The following HIF1AN variants were observed in gnomAD, a reference collection of about 807,000 sequenced individuals.
HIF1AN encodes hypoxia-inducible factor 1-alpha inhibitor.
HIF1AN carries 21 observed loss-of-function variants against 47.7 expected under a neutral mutation model. The ratio of observed to expected loss-of-function variants is 0.44; its 90% CI spans 0.31 to 0.63. The LOEUF is 0.63. Among genes scored for constraint, HIF1AN ranks in the 30% least tolerant of loss-of-function variants. HIF1AN has a pLI of 0.07. For synonymous variants in HIF1AN, 152 were observed against 155.9 expected (o/e 0.98, Z 0.18); for missense variants, 320 against 432.7 (o/e 0.74, Z 2.31).
chr10:100,547,803 C>T (rs542952133), intron 7 of HIF1AN, among the ~76,000 whole-genome samples: 46 of 152,198 alleles, frequency 3.0e-4, no homozygotes, highest in Middle Eastern at 3.4e-3. Context: ...CTTGGGTGTT[C>T]GGGGATTATT....
At chr10:100,547,305 AT>A in intron 7 of HIF1AN, 55 bp downstream of exon 7, 7 of 1,040,314 alleles carry the variant, frequency 6.7e-6, no homozygotes, top group Non-Finnish European at 6.0e-6. Flanking sequence ...GAAAGTCAGG[AT>A]CAGAGCGACA....
rs1054398003 is a variant in HIF1AN at position 100,551,911 on chromosome 10, G to T, written c.*3774G>T. 1.3e-5 allele frequency: 2 copies of T among 152,258 alleles called. No individual in the cohort carries two copies. Among genetic ancestry groups the T allele is most frequent in the Non-Finnish European group, 2.9e-5 (2 of 68,104 alleles). The allele number at this position is 152,258 out of a possible 1,614,324, so 9.4% of individuals were successfully genotyped here. On this transcript the variant is annotated 3_prime_UTR_variant, in exon 8 of 8. Transcript: ENST00000299163. ...CCAGTAGAGAGCAAAGCTCTACCCA[G>T]GCTCCTTGTAAGCCTCTGGGCTCCC...
chr10:100,542,211 A>G (rs1198863262), intron 3 of HIF1AN, among the ~76,000 whole-genome samples: 1 of 151,944 alleles, frequency 6.6e-6, no homozygotes, highest in Non-Finnish European at 1.5e-5. Context: ...CGTAGATGCA[A>G]TCTGTTGTCG....
chr10:100,544,723 C>T (rs1225324154), intron 3 of HIF1AN, among the ~76,000 whole-genome samples: 1 of 152,194 alleles, frequency 6.6e-6, no homozygotes, highest in Non-Finnish European at 1.5e-5. Flanking sequence ...GTTGACTTAG[C>T]TGATAGTGGA....
Position 100,551,638 on chromosome 10 carries a change from T to G in HIF1AN, c.*3501T>G, listed in dbSNP as rs1320330925. On this transcript the variant is annotated 3_prime_UTR_variant, in exon 8 of 8. Transcript: ENST00000299163. ...GCAAAGAATAACAGTGGAAAAGTTT[T>G]GACATGTGTTTGCCATTTGTGGAAA... is the stretch of plus-strand genomic sequence containing the variant. The G allele has an allele frequency of 6.6e-6, 1 of 152,238 alleles. No homozygotes were observed. The highest frequency in any genetic ancestry group is 1.5e-5 in the Non-Finnish European group (1 of 68,040). 9.4% of individuals were successfully genotyped at this position (152,238 alleles called of 1,614,324 possible).
At position 100,551,002 on chromosome 10, in the gene HIF1AN, C is replaced by G. The variant is rs1843152840; in HGVS notation, c.*2865C>G. ...GGCAGTGTGGGACACACACATACAGCAAGTGAAGGTGGGGGTTTGGGCCTG... is the reference window on the plus strand; with the variant it reads ...GGCAGTGTGGGACACACACATACAGGAAGTGAAGGTGGGGGTTTGGGCCTG... On this transcript the variant is annotated 3_prime_UTR_variant, in exon 8 of 8. Transcript: ENST00000299163. 6.6e-6 allele frequency: 1 copy of G among 152,284 alleles called. No homozygotes were observed. The highest frequency in any genetic ancestry group is 2.4e-5 in the African/African-American group (1 of 41,476). 9.4% of individuals were successfully genotyped at this position (152,284 alleles called of 1,614,324 possible). A position where few individuals can be genotyped will look rare whatever the true frequency, so the allele number is the denominator to read the frequency against.
chr10:100,541,873 A>G (rs1843036960), intron 3 of HIF1AN, among the ~76,000 whole-genome samples: 1 of 152,214 alleles, frequency 6.6e-6, no homozygotes. Flanking sequence ...ACACAAACCT[A>G]GATTGTGTAG....
At position 100,558,467 on chromosome 10, in the gene HIF1AN, T is replaced by C. The variant is rs1241697676; in HGVS notation, c.*10330T>C. 6.6e-6 allele frequency: 1 copy of C among 152,138 alleles called. No homozygotes were observed. Among genetic ancestry groups the C allele is most frequent in the Non-Finnish European group, 1.5e-5 (1 of 68,028 alleles). 9.4% of individuals were successfully genotyped at this position (152,138 alleles called of 1,614,324 possible). ...AACAAACACTCTTAAGAGCAGTGGT[T>C]CACCTAGAAATAAAAAGCAGAAATC... On this transcript the variant is annotated 3_prime_UTR_variant, in exon 8 of 8. Coordinates refer to ENST00000299163, the MANE Select transcript of HIF1AN (RefSeq NM_017902.3).
intron 2 of HIF1AN, among the ~76,000 whole-genome samples, chr10:100,540,363 C>A (rs933928026): frequency 6.6e-6 from 1 of 151,976 alleles, no homozygotes; most frequent in Non-Finnish European, 1.5e-5. Flanking sequence ...GAGTTTAAGA[C>A]CAACCTGGAC....
At chr10:100,547,013 T>C in intron 6 of HIF1AN, 127 bp from the exon 7 acceptor site, 1 of 684,090 alleles carries the variant, frequency 1.5e-6, no homozygotes. Flanking sequence ...GTGCTGGGAT[T>C]ATAGGCCTGA....
chr10:100,537,929 T>C (rs1190518727), intron 2 of HIF1AN, among the ~76,000 whole-genome samples: 1 of 152,234 alleles, frequency 6.6e-6, no homozygotes, highest in African/African-American at 2.4e-5. Flanking sequence ...TGTCTTAATA[T>C]ATTGGTTCAG....
chr10:100,536,543 G>A lies in HIF1AN; in HGVS notation c.310G>A (p.Asp104Asn). Residue 104 changes from aspartate (D) to asparagine (N), a missense_variant, in exon 2 of 8, where the codon GAT (aspartate) becomes AAT (asparagine). By Grantham distance (23) the Asp-to-Asn change is conservative. Around this residue, in one of 2 missense-constraint regions of HIF1AN, gnomAD observed 159 missense variants for 159.9 expected, o/e 0.99. Transcript: ENST00000299163. ...CAGCACCCACAAGTTCTTGTACTATGATGAGAAGAAGATGGCCAATTTCCA... is the reference window on the plus strand; with the variant it reads ...CAGCACCCACAAGTTCTTGTACTATAATGAGAAGAAGATGGCCAATTTCCA... ...SASTHKFLYYDEKKMANFQNF... is the reference protein window; with the variant it reads ...SASTHKFLYYNEKKMANFQNF... 6.2e-7 allele frequency: 1 copy of A among 1,614,190 alleles called. No homozygotes were observed. The highest frequency in any genetic ancestry group is 8.5e-7 in the Non-Finnish European group (1 of 1,180,036).
chr10:100,539,175 A>G (rs1589751048), intron 2 of HIF1AN, among the ~76,000 whole-genome samples: 1 of 152,044 alleles, frequency 6.6e-6, no homozygotes, highest in East Asian at 1.9e-4. Context: ...TAGGCAATCC[A>G]CCTCCCTTGG....
rs190674418 is a variant in HIF1AN, at chr10:100,547,408, A to G, written c.1005+158A>G. 3.3e-3 allele frequency among the ~76,000 whole-genome samples: 506 copies of G among 152,348 alleles called. 2 individuals are homozygous for G. Among genetic ancestry groups the G allele is most frequent in the African/African-American group, 0.011 (469 of 41,586 alleles). On this transcript the variant is annotated intron_variant, in intron 7 of 7. Coordinates refer to ENST00000299163, the MANE Select transcript of HIF1AN (RefSeq NM_017902.3). Reference sequence around the variant, plus strand: ...AGAAAAATTCTTGTTTTCTGGTGATAGCTGGGCTTGACTGGCAGATCAATT... The same window carrying G: ...AGAAAAATTCTTGTTTTCTGGTGATGGCTGGGCTTGACTGGCAGATCAATT...
At chr10:100,539,741 C>T (rs1256868454) in intron 2 of HIF1AN, among the ~76,000 whole-genome samples, 7 of 152,252 alleles carry the variant, frequency 4.6e-5, no homozygotes, top group Non-Finnish European at 7.4e-5. Context: ...GCCAGAGCAG[C>T]GTAAATAAGC....
At chr10:100,542,846 G>GTTTTTGT (rs1843053253) in intron 3 of HIF1AN, among the ~76,000 whole-genome samples, 1 of 111,762 alleles carries the variant, frequency 8.9e-6, no homozygotes, top group Non-Finnish European at 1.7e-5. Flanking sequence ...ATGTGAATGT[G>GTTTTTGT]TTTTTTTTTT....
rs1054399 is a variant in HIF1AN at position 100,552,808 on chromosome 10, C to T, written c.*4671C>T. ...ATTTTTGACAGCTCTGTTTATTTTG[C>T]CCATGGCTAGTCCTCTTGTTTTGTG... On this transcript the variant is annotated 3_prime_UTR_variant, in exon 8 of 8. Transcript: ENST00000299163. The T allele has an allele frequency of 0.22, 33,534 of 152,250 alleles. 3,819 individuals carry two copies. Among genetic ancestry groups the T allele is most frequent in the African/African-American group, 0.26 (10,880 of 41,406 alleles). 9.4% of individuals were successfully genotyped at this position (152,250 alleles called of 1,614,324 possible). A position where few individuals can be genotyped will look rare whatever the true frequency, so the allele number is the denominator to read the frequency against.
Position 100,546,718 on chromosome 10 carries a change from C to A in HIF1AN, c.894+137C>A, listed in dbSNP as rs894654968. On this transcript the variant is annotated intron_variant, in intron 6 of 7. Coordinates refer to ENST00000299163, the MANE Select transcript of HIF1AN (RefSeq NM_017902.3). ...CAGGTGTCTGGGGAGATGAAAGGGA[C>A]AGGATTGAATTGGGTTTCTTTTTTT... 1.4e-5 allele frequency: 10 copies of A among 712,840 alleles called. No homozygotes were observed. In the African/African-American group the frequency reaches 1.4e-4, roughly 10 times the overall value. The allele number at this position is 712,840 out of a possible 1,614,324, so 44.2% of individuals were successfully genotyped here.
Position 100,556,028 on chromosome 10 carries a change from C to T in HIF1AN, c.*7891C>T, listed in dbSNP as rs757192349. 6.6e-6 allele frequency: 1 copy of T among 152,194 alleles called. No individual in the cohort carries two copies. Among genetic ancestry groups the T allele is most frequent in the East Asian group, 1.9e-4 (1 of 5,198 alleles). 9.4% of individuals were successfully genotyped at this position (152,194 alleles called of 1,614,324 possible). On this transcript the variant is annotated 3_prime_UTR_variant, in exon 8 of 8. Transcript: ENST00000299163. Reference sequence around the variant, plus strand: ...TTTACATTGTCAGGGTAAGGCTTAGCAGAATGACCGGTCCATAGCAAGGGC... The same window carrying T: ...TTTACATTGTCAGGGTAAGGCTTAGTAGAATGACCGGTCCATAGCAAGGGC...
Sources: gnomAD v4.1 joint callset for allele counts (sites outside exome capture counted in the v4.1 genomes callset) on GRCh38, gnomAD v4.1.1 for gene constraint, gnomAD v4.1.1 regional missense constraint, MANE v1.5 for transcripts, NCBI Gene and HGNC (gene_info 2026-07-23, HGNC 2026-07-21) for gene names.